The following TRAK2 variants were observed in gnomAD, a reference collection of about 807,000 sequenced individuals.
The protein encoded by TRAK2 is trafficking kinesin-binding protein 2.
A neutral mutation model predicts 104.6 loss-of-function variants in TRAK2; 81 were observed. The observed-to-expected ratio is 0.77, with a 90% CI of 0.65 to 0.93. The LOEUF (loss-of-function observed/expected upper bound fraction) is 0.93, where lower values mean the gene tolerates loss of function less well. TRAK2 is among the 40% of genes least tolerant of loss of function. TRAK2 has a pLI of 0.00. For synonymous variants in TRAK2, 406 were observed against 394.4 expected, an observed-to-expected ratio of 1.03 and a Z score of -0.35; for missense variants, 1,002 against 1,089.0, an observed-to-expected ratio of 0.92 and a Z score of 1.12.
At position 201,407,439 on chromosome 2, in the gene TRAK2, A is replaced by G. The variant is rs1405591419; in HGVS notation, c.250T>C (p.Ser84Pro). The G allele has an allele frequency of 6.2e-7, 1 of 1,614,084 alleles. No homozygotes were observed. The change falls in exon 3 of 16, where the codon TCT (serine) becomes CCT (proline). Residue 84 changes from serine (S) to proline (P), a missense_variant. Physicochemically the swap from Ser to Pro is moderately conservative, Grantham distance 74 (BLOSUM62 -1). Transcript: ENST00000332624. ...HQRQHASDAL[S>P]PVLAEETFRY... ...AAAGTCTCTTCAGCAAGGACTGGAG[A>G]GAGAGCATCAGATGCATGCTGCCGC... is the stretch of plus-strand genomic sequence containing the variant.
intron 1 of TRAK2, among the ~76,000 whole-genome samples, chr2:201,446,090 A>G (rs967858738): frequency 3.3e-5 from 5 of 152,218 alleles, no homozygotes; most frequent in Non-Finnish European, 7.3e-5. Context: ...TACATCTGGC[A>G]TATGCCTCAA....
chr2:201,412,338 G>A, intron 2 of TRAK2: 7 of 1,323,542 alleles, frequency 5.3e-6, no homozygotes, highest in Non-Finnish European at 7.6e-6. Flanking sequence ...CATCAAAGAA[G>A]GGAATCTTTG....
intron 2 of TRAK2, chr2:201,411,422 A>T: frequency 1.3e-6 from 1 of 745,522 alleles, no homozygotes; most frequent in Non-Finnish European, 2.5e-6. Context: ...CAATATTTGT[A>T]ACTTTTGTCT....
chr2:201,411,791 G>A, intron 2 of TRAK2: 1 of 799,498 alleles, frequency 1.3e-6, no homozygotes, highest in Non-Finnish European at 2.3e-6. Context: ...TCTTTCCTAA[G>A]CACACTAATG....
At position 201,420,484 on chromosome 2, in the gene TRAK2, A is replaced by C. The variant is rs774762387; in HGVS notation, c.24T>G (p.Ile8Met). 1.9e-6 allele frequency: 3 copies of C among 1,613,960 alleles called. No homozygotes were observed. Among genetic ancestry groups the C allele is most frequent in the Non-Finnish European group, 2.5e-6 (3 of 1,179,974 alleles). Residue 8 changes from isoleucine to methionine, a missense_variant, in exon 2 of 16, where the codon ATT becomes ATG. Ile to Met is a conservative substitution (Grantham distance 10). Coordinates refer to ENST00000332624, the MANE Select transcript of TRAK2 (RefSeq NM_015049.3). Reference sequence around the variant, plus strand: ...TTTCTTCACCTGTTGGTGATGTAAAAATTGCATTCTGGGATTGACTCATGC... The same window carrying C: ...TTTCTTCACCTGTTGGTGATGTAAACATTGCATTCTGGGATTGACTCATGC... MSQSQNA[I>M]FTSPTGEENL...
chr2:201,435,981 A>G (rs1245050895), intron 1 of TRAK2, among the ~76,000 whole-genome samples: 25 of 152,154 alleles, frequency 1.6e-4, no homozygotes, highest in Admixed American at 1.6e-3. Context: ...TCACTCTTGA[A>G]GGGTCTGGAC....
At position 201,399,501 on chromosome 2, in the gene TRAK2, AATACCAAATACACCTTTTCTTTGAGTAT is replaced by A. The variant is rs1278054892; in HGVS notation, c.364-36_364-9del. 43 of 1,598,302 alleles carry A rather than the reference AATACCAAATACACCTTTTCTTTGAGTAT, an allele frequency of 2.7e-5. No homozygotes were observed. Among genetic ancestry groups the A allele is most frequent in the Non-Finnish European group, 3.3e-5 (38 of 1,166,358 alleles). ...TTCCAGATCACGATCCCTCTGTTAA[AATACCAAATACACCTTTTCTTTGAGTAT>A]AAACAAGGTTAAATGGCAGTTCAGA... On this transcript the variant is annotated splice_polypyrimidine_tract_variant and intron_variant, in intron 4 of 15. Coordinates refer to ENST00000332624, the MANE Select transcript of TRAK2 (RefSeq NM_015049.3).
rs1384328583 is a variant in TRAK2, at chr2:201,386,245, T to C, written c.1936A>G (p.Ile646Val). Reference protein sequence around the residue: ...KPVTGIFLPPITSAGGPVTVA... With the variant: ...KPVTGIFLPPVTSAGGPVTVA... ...GTAACTGGTCCACCTGCTGAAGTAA[T>C]GGGTGGCAGGAAGATCCCTGTTACT... Residue 646 changes from isoleucine (I) to valine (V), a missense_variant, in exon 14 of 16, where the codon ATT (isoleucine) becomes GTT (valine). Ile to Val is a conservative substitution (Grantham distance 29, BLOSUM62 3). Coordinates refer to ENST00000332624, the MANE Select transcript of TRAK2 (RefSeq NM_015049.3). 5.0e-6 allele frequency: 8 copies of C among 1,614,124 alleles called. No individual in the cohort carries two copies. Among genetic ancestry groups the C allele is most frequent in the South Asian group, 1.1e-5 (1 of 91,088 alleles).
intron 1 of TRAK2, among the ~76,000 whole-genome samples, chr2:201,448,455 A>G (rs1951982677): frequency 6.6e-6 from 1 of 152,238 alleles, no homozygotes; most frequent in African/African-American, 2.4e-5. Flanking sequence ...TCCTATTATT[A>G]TAAGAACACT....
intron 1 of TRAK2, among the ~76,000 whole-genome samples, chr2:201,446,667 T>C (rs779762107): frequency 1.3e-5 from 2 of 152,252 alleles, no homozygotes; most frequent in Non-Finnish European, 2.9e-5. Flanking sequence ...CTGTTAGCTA[T>C]GTGATCTTGG....
At chr2:201,410,663 G>T (rs1322315547) in intron 2 of TRAK2, 22 of 1,299,166 alleles carry the variant, frequency 1.7e-5, no homozygotes, top group Non-Finnish European at 2.5e-5. Context: ...AAGGCAGATT[G>T]TCCTATCATG....
intron 1 of TRAK2, 81 bp downstream of exon 1, chr2:201,451,269 A>C (rs911114125): frequency 6.6e-6 from 1 of 152,284 alleles, no homozygotes; most frequent in Non-Finnish European, 1.5e-5. Context: ...GTACCGGAGG[A>C]CCTTGGGACG....
intron 2 of TRAK2, chr2:201,411,714 G>A: frequency 1.3e-6 from 1 of 780,536 alleles, no homozygotes; most frequent in Admixed American, 1.7e-5. Context: ...AGACTCTTTG[G>A]ATGGAATTTG....
chr2:201,449,991 C>T (rs747125333), intron 1 of TRAK2, among the ~76,000 whole-genome samples: 1 of 151,964 alleles, frequency 6.6e-6, no homozygotes, highest in African/African-American at 2.4e-5. Flanking sequence ...CAGCGCCCGG[C>T]CAAATGTTGG....
intron 2 of TRAK2, among the ~76,000 whole-genome samples, chr2:201,409,326 G>A (rs1256758596): frequency 6.6e-6 from 1 of 151,800 alleles, no homozygotes; most frequent in Non-Finnish European, 1.5e-5. Context: ...AAAAAATACG[G>A]CAGAAATCTC....
intron 4 of TRAK2, among the ~76,000 whole-genome samples, chr2:201,400,442 T>C (rs540680650): frequency 1.9e-4 from 29 of 152,134 alleles, no homozygotes; most frequent in Non-Finnish European, 3.7e-4. Context: ...CTAAATGGCA[T>C]ACATAGAAAT....
intron 1 of TRAK2, among the ~76,000 whole-genome samples, chr2:201,437,923 C>T (rs970104537): frequency 6.6e-6 from 1 of 152,194 alleles, no homozygotes; most frequent in Non-Finnish European, 1.5e-5. Context: ...TATACTAACT[C>T]TATGGGGACC....
At chr2:201,387,393 TAACC>T (rs1951400936) in intron 13 of TRAK2, among the ~76,000 whole-genome samples, 1 of 152,200 alleles carries the variant, frequency 6.6e-6, no homozygotes, top group Non-Finnish European at 1.5e-5. Context: ...CTTATTCATC[TAACC>T]ATGGAAACTG....
chr2:201,385,950 T>A (rs1951385069), intron 14 of TRAK2, among the ~76,000 whole-genome samples: 1 of 152,182 alleles, frequency 6.6e-6, no homozygotes, highest in East Asian at 1.9e-4. Flanking sequence ...TCTCAATGAT[T>A]TTTTAGAGTA....
Sources: allele counts gnomAD v4.1 joint callset (sites outside exome capture counted in the v4.1 genomes callset), GRCh38; gene constraint gnomAD v4.1.1; transcripts MANE v1.5; gene names NCBI Gene and HGNC (gene_info 2026-07-23, HGNC 2026-07-21).